C12orf42: variants seen among roughly 807,000 people sequenced by gnomAD.
C12orf42 encodes uncharacterized protein C12orf42.
C12orf42 carries 25 observed loss-of-function variants against 21.6 expected under a neutral mutation model. The observed-to-expected ratio is 1.16, with a 90% CI of 0.84 to 1.62. C12orf42 has a LOEUF of 1.62. C12orf42 is among the 40% of genes most tolerant of loss of function. C12orf42 has a pLI of 0.00. For missense variants in C12orf42, 483 were observed against 459.3 expected (o/e 1.05, Z -0.47); for synonymous variants, 174 against 175.0 (o/e 0.99, Z 0.05).
At chr12:103,286,855 G>T (rs1361688959) in intron 4 of C12orf42, among the ~76,000 whole-genome samples, 1 of 152,090 alleles carries the variant, frequency 6.6e-6, no homozygotes, top group African/African-American at 2.4e-5. Flanking sequence ...ACGGTAAAGG[G>T]AGGTTGGTAA....
At chr12:103,109,354 CGTGT>C in the C12orf42 span, among the ~76,000 whole-genome samples, 1 of 151,656 alleles carries the variant, frequency 6.6e-6, no homozygotes, top group African/African-American at 2.4e-5. Flanking sequence ...CACGGGTGTG[CGTGT>C]GTGTGTCTGT....
At chr12:103,470,623 T>C (rs753609868) in intron 2 of C12orf42, among the ~76,000 whole-genome samples, 8 of 152,016 alleles carry the variant, frequency 5.3e-5, no homozygotes, top group Non-Finnish European at 7.4e-5. Flanking sequence ...ACCAATAGAG[T>C]ATGGAAGTGG....
At chr12:103,343,066 A>G (rs1197885383) in intron 4 of C12orf42, among the ~76,000 whole-genome samples, 1 of 152,206 alleles carries the variant, frequency 6.6e-6, no homozygotes, top group Non-Finnish European at 1.5e-5. Context: ...CGTTTTCAAA[A>G]TATCAATATT....
chr12:103,317,891 AAAAT>A (rs1368916530), intron 4 of C12orf42, among the ~76,000 whole-genome samples: 5 of 152,372 alleles, frequency 3.3e-5, no homozygotes, highest in Middle Eastern at 3.4e-3. Flanking sequence ...ATACAAAAAG[AAAAT>A]AAATAGCCCC....
At chr12:103,152,085 T>C in the C12orf42 span, among the ~76,000 whole-genome samples, 682 of 152,252 alleles carry the variant, frequency 4.5e-3, 5 homozygotes, top group African/African-American at 0.016. Context: ...CCCCAGCCAA[T>C]AGCCAGGAAA....
At chr12:103,375,081 C>T (rs1018467862) in intron 3 of C12orf42, among the ~76,000 whole-genome samples, 1 of 152,118 alleles carries the variant, frequency 6.6e-6, no homozygotes, top group South Asian at 2.1e-4. Flanking sequence ...GCTGAAGTGA[C>T]TCTCTCTCTA....
chr12:103,076,240 A>G, the C12orf42 span, among the ~76,000 whole-genome samples: 1 of 151,998 alleles, frequency 6.6e-6, no homozygotes, highest in Non-Finnish European at 1.5e-5. Flanking sequence ...AATGATAATA[A>G]TAATAATAAA....
At chr12:103,505,470 C>T in the C12orf42 span, 1 of 381,018 alleles carries the variant, frequency 2.6e-6, no homozygotes, top group Non-Finnish European at 4.9e-6. Context: ...CGTCTGGGTG[C>T]TCTGAGTCAT....
intron 4 of C12orf42, among the ~76,000 whole-genome samples, chr12:103,355,567 C>T (rs569984471): frequency 6.6e-6 from 1 of 152,146 alleles, no homozygotes; most frequent in African/African-American, 2.4e-5. Flanking sequence ...CAGTCTCTTC[C>T]TCTACCTCCT....
intron 2 of C12orf42, among the ~76,000 whole-genome samples, chr12:103,423,559 T>C (rs1025464956): frequency 6.6e-6 from 1 of 152,168 alleles, no homozygotes; most frequent in Non-Finnish European, 1.5e-5. Flanking sequence ...CCAGTATTAA[T>C]ACACCAGGAA....
At chr12:103,073,799 TG>T in the C12orf42 span, among the ~76,000 whole-genome samples, 16 of 152,192 alleles carry the variant, frequency 1.1e-4, no homozygotes, top group Non-Finnish European at 1.8e-4. Context: ...TTATGTTAAT[TG>T]AGTCTCAAAT....
chr12:103,186,374 A>G, the C12orf42 span, among the ~76,000 whole-genome samples: 16 of 152,184 alleles, frequency 1.1e-4, no homozygotes, highest in South Asian at 2.1e-4. Context: ...AATCTTCCTC[A>G]TAAATTTTCA....
intron 5 of C12orf42, chr12:103,273,734 A>G (rs1240590353): frequency 4.8e-6 from 2 of 415,620 alleles, no homozygotes; most frequent in African/African-American, 4.1e-5. Context: ...GGAAAAGAAG[A>G]AGGAAAAGGA....
At chr12:103,385,091 T>C (rs1477047183) in intron 3 of C12orf42, among the ~76,000 whole-genome samples, 6 of 152,194 alleles carry the variant, frequency 3.9e-5, no homozygotes, top group Non-Finnish European at 7.4e-5. Context: ...GCATACAGTT[T>C]GTCCCAAAAC....
intron 10 of C12orf42, among the ~76,000 whole-genome samples, chr12:103,253,673 CTGAAGT>C (rs2034417080): frequency 6.6e-6 from 1 of 152,136 alleles, no homozygotes; most frequent in Non-Finnish European, 1.5e-5. Flanking sequence ...TGAGACTTTG[CTGAAGT>C]TGAAGTTTTT....
chr12:103,137,914 A>G, the C12orf42 span, among the ~76,000 whole-genome samples: 3 of 152,144 alleles, frequency 2.0e-5, no homozygotes, highest in Admixed American at 6.6e-5. Context: ...TATGGGTACA[A>G]ACATAAAGTT....
chr12:103,116,894 T>C, the C12orf42 span, among the ~76,000 whole-genome samples: 2 of 152,324 alleles, frequency 1.3e-5, no homozygotes, highest in East Asian at 3.9e-4. Context: ...CTTTTTTAAA[T>C]TTAATTTTAT....
the C12orf42 span, among the ~76,000 whole-genome samples, chr12:103,224,763 A>G: frequency 4.6e-3 from 699 of 152,296 alleles, 3 homozygotes; most frequent in Non-Finnish European, 7.4e-3. Flanking sequence ...AGTGGCAGCC[A>G]CTGCACACAG....
chr12:103,163,893 T>A, the C12orf42 span, among the ~76,000 whole-genome samples: 1 of 152,186 alleles, frequency 6.6e-6, no homozygotes, highest in Admixed American at 6.5e-5. Flanking sequence ...CTTGTTACAG[T>A]GCTTCTTATT....
Sources: allele counts gnomAD v4.1 joint callset (sites outside exome capture counted in the v4.1 genomes callset), GRCh38; gene constraint gnomAD v4.1.1; transcripts MANE v1.5; gene names NCBI Gene and HGNC (gene_info 2026-07-23, HGNC 2026-07-21).